Variants in CEP95 observed in about 807,000 individuals in gnomAD.
CEP95 encodes the protein centrosomal protein of 95 kDa.
CEP95 carries 98 observed loss-of-function variants against 111.2 expected under a neutral mutation model. The observed-to-expected ratio is 0.88, with a 90% CI of 0.75 to 1.04. CEP95 has a LOEUF of 1.04. Among genes scored for constraint, CEP95 ranks in the 50% least tolerant of loss-of-function variants. The pLI, the probability that CEP95 is intolerant of heterozygous loss-of-function variation, is 0.00. For missense variants in CEP95, 1,027 were observed against 977.2 expected (o/e 1.05, Z -0.68); for synonymous variants, 323 against 327.1 (o/e 0.99, Z 0.14).
At chr17:64,511,562 G>T (rs1183807654) in intron 3 of CEP95, among the ~76,000 whole-genome samples, 1 of 152,182 alleles carries the variant, frequency 6.6e-6, no homozygotes, top group Non-Finnish European at 1.5e-5. Flanking sequence ...CTGTTATCCT[G>T]TTCTTTTTTT....
At chr17:64,534,957 A>G (rs1192486239) in intron 17 of CEP95, 18 of 520,984 alleles carry the variant, frequency 3.5e-5, no homozygotes, top group Non-Finnish European at 5.9e-5. Flanking sequence ...CTTAATGTGA[A>G]GTCTTACTTC....
chr17:64,537,323 T>C, intron 19 of CEP95: 1 of 1,406,216 alleles, frequency 7.1e-7, no homozygotes. Flanking sequence ...ATCTCCATCA[T>C]TAAGTGACAC....
chr17:64,522,703 G>A lies in CEP95; in HGVS notation c.717G>A (p.Thr239=), dbSNP rs201489853. 1.5e-5 allele frequency: 24 copies of A among 1,611,156 alleles called. No individual in the cohort carries two copies. In the East Asian group the frequency reaches 1.6e-4, roughly 10 times the overall value. The change falls in exon 8 of 20, where the codon ACG becomes ACA. Residue 239 remains threonine, a splice_region_variant and synonymous_variant. Transcript: ENST00000556440. ...SKSRTSFVED[T]ETLSVSGIPN... ...ATCCACTTTAATTTGTCTTACTAGC[G>A]GAAACCCTTTCTGTGAGTGGGATTC...
rs66540667 is a variant in CEP95 at position 64,510,156 on chromosome 17, A to AT, written c.149-11dup. On this transcript the variant is annotated splice_polypyrimidine_tract_variant and intron_variant, in intron 2 of 19. Transcript: ENST00000556440. ...CCTCTCATGGATACAAAATTATGTG[A>AT]TTTTTTCCCCCCCCAGACCTCATAG... 9.3e-3 allele frequency: 13,879 copies of AT among 1,491,534 alleles called. 1,101 individuals are homozygous for AT. In the African/African-American group the frequency reaches 0.17, roughly 18 times the overall value. The allele number at this position is 1,491,534 out of a possible 1,614,324, so 92.4% of individuals were successfully genotyped here.
rs781970308 is a variant in CEP95, at chr17:64,532,918, C to A, written c.1752C>A (p.Ser584Arg). 5.6e-6 allele frequency: 9 copies of A among 1,613,712 alleles called. No individual in the cohort carries two copies. The Admixed American group carries it at 1.5e-4, about 27-fold the overall frequency. ...PFLYVSGPTL[S>R]KMWKQQIAQV... ...TTTATGTTTCTGGCCCAACACTAAG[C>A]AAAATGTGGAAACAGCAAATTGCAC... The change falls in exon 15 of 20, where the codon AGC becomes AGA. Residue 584 changes from serine to arginine, a missense_variant. Physicochemically the swap from Ser to Arg is moderately radical, Grantham distance 110 (BLOSUM62 -1). Transcript: ENST00000556440.
intron 1 of CEP95, 48 bp downstream of exon 1, chr17:64,507,164 C>T (rs1555673215): frequency 1.9e-6 from 3 of 1,551,164 alleles, no homozygotes; most frequent in East Asian, 2.4e-5. Context: ...AAACCGTCCA[C>T]CTCCAGGGAG....
At position 64,508,738 on chromosome 17, in the gene CEP95, A is replaced by C. The variant is rs566266777; in HGVS notation, c.148+18A>C. ...GGTACCAGGTAAGAATACTAAAAGC[A>C]GGAGTAATTTTGCCTATATCTTAGG... On this transcript the variant is annotated intron_variant, in intron 2 of 19. Transcript: ENST00000556440. 8 of 1,342,094 alleles carry C rather than the reference A, an allele frequency of 6.0e-6. No homozygotes were observed. In the South Asian group the frequency reaches 1.9e-4, roughly 32 times the overall value. The allele number at this position is 1,342,094 out of a possible 1,614,324, so 83.1% of individuals were successfully genotyped here.
intron 4 of CEP95, among the ~76,000 whole-genome samples, chr17:64,516,351 G>A (rs2039143939): frequency 6.6e-6 from 1 of 152,136 alleles, no homozygotes; most frequent in Non-Finnish European, 1.5e-5. Flanking sequence ...TCAGCCTAAG[G>A]CATGATTATC....
At chr17:64,521,362 T>C in intron 6 of CEP95, 40 bp from the exon 7 acceptor site, 4 of 1,487,466 alleles carry the variant, frequency 2.7e-6, no homozygotes, top group Non-Finnish European at 3.7e-6. Flanking sequence ...CAAACTATTT[T>C]GATAGTTAAA....
In CEP95 at chr17:64,537,242, C is replaced by G. The variant is rs1339094466; in HGVS notation, c.2289+130C>G. The G allele has an allele frequency of 1.9e-5, 28 of 1,442,722 alleles. No homozygotes were observed. In the South Asian group the frequency reaches 2.7e-4, roughly 14 times the overall value. The allele number at this position is 1,442,722 out of a possible 1,614,324, so 89.4% of individuals were successfully genotyped here. ...CCCGGTGTGCAGTGGACTGTACTCT[C>G]TAGGTTTGTGTAAGTACACTGACAT... On this transcript the variant is annotated intron_variant, in intron 19 of 19. Transcript: ENST00000556440.
Position 64,521,286 on chromosome 17 carries a change from T to C in CEP95, c.590-116T>C, listed in dbSNP as rs1464502085. The stretch of plus-strand genomic sequence containing the variant: ...TTTGAGCAGTTGGACCAACATTATT[T>C]CGTTCAACATTATTTAATATTTGTT... On this transcript the variant is annotated intron_variant, in intron 6 of 19. Transcript: ENST00000556440. 3 of 690,228 alleles carry C rather than the reference T, an allele frequency of 4.3e-6. No individual in the cohort carries two copies. In the African/African-American group the frequency reaches 5.5e-5, roughly 13 times the overall value. The allele number at this position is 690,228 out of a possible 1,614,324, so 42.8% of individuals were successfully genotyped here.
Position 64,510,297 on chromosome 17 carries a change from C to T in CEP95, c.256+17C>T, listed in dbSNP as rs782190368. ...ACATAACAGGTTGGTATATGTATAA[C>T]TATCACATAATTATGCATTTTAGTA... On this transcript the variant is annotated intron_variant, in intron 3 of 19. Transcript: ENST00000556440. 1.5e-6 allele frequency: 2 copies of T among 1,367,758 alleles called. No individual in the cohort carries two copies. The highest frequency in any genetic ancestry group is 4.6e-5 in the East Asian group (2 of 43,460). The allele number at this position is 1,367,758 out of a possible 1,614,324, so 84.7% of individuals were successfully genotyped here.
intron 5 of CEP95, among the ~76,000 whole-genome samples, chr17:64,517,583 A>G (rs1354822154): frequency 4.6e-5 from 7 of 151,432 alleles, no homozygotes; most frequent in African/African-American, 1.7e-4. Context: ...TTGCTCTGAC[A>G]CTCATGGTGG....
rs781845128 is a variant in CEP95, at chr17:64,537,588, G to A, written c.2290-15G>A. On this transcript the variant is annotated splice_polypyrimidine_tract_variant and intron_variant, in intron 19 of 19. Coordinates refer to ENST00000556440, the MANE Select transcript of CEP95 (RefSeq NM_138363.3). Reference sequence around the variant, plus strand: ...AATGCTGTGAACAGCGGGATGACATGCCTTCTTTTTTCAGACATTACATAA... The same window carrying A: ...AATGCTGTGAACAGCGGGATGACATACCTTCTTTTTTCAGACATTACATAA... 1 of 1,578,940 alleles carries A rather than the reference G, an allele frequency of 6.3e-7. No homozygotes were observed.
At chr17:64,521,332 G>A (rs1967320734) in intron 6 of CEP95, 70 bp from the exon 7 acceptor site, 1 of 1,149,356 alleles carries the variant, frequency 8.7e-7, no homozygotes, top group Non-Finnish European at 1.2e-6. Context: ...AAAACTCTTG[G>A]CTTTTAGTAT....
In CEP95 at chr17:64,519,411, A is replaced by G. The variant is rs782176032; in HGVS notation, c.564A>G (p.Ala188=). 2 of 1,613,488 alleles carry G rather than the reference A, an allele frequency of 1.2e-6. No homozygotes were observed. Among genetic ancestry groups the G allele is most frequent in the South Asian group, 1.1e-5 (1 of 91,064 alleles). ...AAATCATTAGACTTGGAGACACAGC[A>G]CACACCTTTTCTCTAAGAAGTAATG... ...TGEIIRLGDT[A]HTFSLRSNGA... The change falls in exon 6 of 20, where the codon GCA becomes GCG. Residue 188 remains alanine, a synonymous_variant. Coordinates refer to ENST00000556440, the MANE Select transcript of CEP95 (RefSeq NM_138363.3).
upstream of CEP95, chr17:64,506,971 C>A (rs1427026310): frequency 1.9e-6 from 2 of 1,033,260 alleles, no homozygotes; most frequent in Non-Finnish European, 3.0e-6. Flanking sequence ...CCTTCTTTCA[C>A]GCCTCCTTCC....
chr17:64,529,496 A>G (rs1568149810), intron 12 of CEP95, 69 bp downstream of exon 12: 7 of 1,487,258 alleles, frequency 4.7e-6, no homozygotes, highest in South Asian at 1.2e-5. Flanking sequence ...AGATGCTACC[A>G]TGAACATGCT....
At chr17:64,506,815 G>A (rs2038556039), upstream of CEP95, 6 of 578,068 alleles carry the variant, frequency 1.0e-5, no homozygotes, top group South Asian at 1.2e-4. Context: ...TGGACCGTCC[G>A]ACCCGCGTGT....
Sources: gnomAD v4.1 joint callset for allele counts (sites outside exome capture counted in the v4.1 genomes callset) on GRCh38, gnomAD v4.1.1 for gene constraint, MANE v1.5 for transcripts, NCBI Gene and HGNC (gene_info 2026-07-23, HGNC 2026-07-21) for gene names.